Variants in CDK13 observed in about 807,000 individuals in gnomAD.
CDK13 encodes cyclin dependent kinase 13.
In CDK13, 40 loss-of-function variants were observed where a neutral mutation model predicts 137.6. The observed-to-expected ratio is 0.29, with a 90% CI of 0.23 to 0.38. CDK13 has a LOEUF of 0.38. Ranked by LOEUF, CDK13 falls within the 10% of genes least tolerant of loss-of-function variation. The pLI, the probability that CDK13 is intolerant of heterozygous loss-of-function variation, is 1.00. For missense variants in CDK13, 1,704 were observed against 1,951.8 expected, an observed-to-expected ratio of 0.87 and a Z score of 2.39; for synonymous variants, 869 against 760.1, an observed-to-expected ratio of 1.14 and a Z score of -2.36.
intron 1 of CDK13, among the ~76,000 whole-genome samples, chr7:39,973,885 A>C (rs1190075125): frequency 6.6e-6 from 1 of 152,200 alleles, no homozygotes; most frequent in Admixed American, 6.5e-5. Flanking sequence ...TTGAAAATCA[A>C]CTGATCACAA....
chr7:39,978,095 T>C (rs1784146612), intron 1 of CDK13, among the ~76,000 whole-genome samples: 1 of 151,950 alleles, frequency 6.6e-6, no homozygotes, highest in Admixed American at 6.6e-5. Context: ...GTAGAGAGGA[T>C]GATTTGCGGG....
At chr7:40,061,281 T>C (rs1786140879) in intron 7 of CDK13, 1 of 152,192 alleles carries the variant, frequency 6.6e-6, no homozygotes, top group Non-Finnish European at 1.5e-5. Context: ...AAAATATTCA[T>C]CTTATTCTGT....
intron 9 of CDK13, among the ~76,000 whole-genome samples, chr7:40,074,895 GATAA>G (rs554726987): frequency 7.3e-4 from 111 of 151,206 alleles, no homozygotes; most frequent in Non-Finnish European, 1.3e-3. Context: ...ACTGAAAATA[GATAA>G]ATAAATAAAT....
chr7:40,016,647 A>G (rs1052859996), intron 5 of CDK13, among the ~76,000 whole-genome samples: 1 of 152,194 alleles, frequency 6.6e-6, no homozygotes, highest in Non-Finnish European at 1.5e-5. Flanking sequence ...TAACTTTTAA[A>G]CAAGGAGGCA....
chr7:40,033,441 T>TAA (rs1240065113), intron 5 of CDK13, among the ~76,000 whole-genome samples: 2 of 152,212 alleles, frequency 1.3e-5, no homozygotes, highest in East Asian at 3.9e-4. Context: ...AACTGTGTTT[T>TAA]AGCGTGCTTT....
intron 5 of CDK13, 28 bp from the exon 6 acceptor site, chr7:40,045,808 C>A (rs758296346): frequency 6.8e-7 from 1 of 1,460,566 alleles, no homozygotes; most frequent in Admixed American, 1.9e-5. Context: ...GAATAAGTTT[C>A]TAATGTATTA....
intron 2 of CDK13, among the ~76,000 whole-genome samples, chr7:39,996,486 G>A (rs1784562630): frequency 6.6e-6 from 1 of 152,112 alleles, no homozygotes; most frequent in African/African-American, 2.4e-5. Context: ...AAAGCTAATG[G>A]AGTTTAAATT....
intron 5 of CDK13, among the ~76,000 whole-genome samples, chr7:40,043,918 A>G (rs969734598): frequency 4.5e-5 from 6 of 134,716 alleles, no homozygotes; most frequent in African/African-American, 1.6e-4. Flanking sequence ...TTTTTTTGAG[A>G]TGGAATCTTG....
chr7:39,965,063 A>G (rs1219642960), intron 1 of CDK13, among the ~76,000 whole-genome samples: 1 of 152,154 alleles, frequency 6.6e-6, no homozygotes, highest in Non-Finnish European at 1.5e-5. Context: ...CAATTTTGGA[A>G]TAGGTGTGGT....
In CDK13 at chr7:40,097,781, A is replaced by C. The variant is rs1371577571; in HGVS notation, c.*2801A>C. The stretch of plus-strand genomic sequence containing the variant: ...CTTCATTATTTGTTGGAGAGTTGCA[A>C]GTCATTTGTGAAACCTTAAAATGCC... On this transcript the variant is annotated 3_prime_UTR_variant, in exon 14 of 14. Transcript: ENST00000181839. 6.6e-6 allele frequency: 1 copy of C among 152,110 alleles called. No homozygotes were observed. Among genetic ancestry groups the C allele is most frequent in the African/African-American group, 2.4e-5 (1 of 41,450 alleles). 9.4% of individuals were successfully genotyped at this position (152,110 alleles called of 1,614,324 possible).
At chr7:40,029,779 C>T (rs919038276) in intron 5 of CDK13, among the ~76,000 whole-genome samples, 8 of 152,040 alleles carry the variant, frequency 5.3e-5, no homozygotes, top group Admixed American at 1.3e-4. Flanking sequence ...CAGCCTCCCG[C>T]GTAGCTGGGA....
chr7:40,069,221 C>T (rs190674175), intron 9 of CDK13: 7 of 418,032 alleles, frequency 1.7e-5, no homozygotes, highest in Non-Finnish European at 2.9e-5. Flanking sequence ...GGCAGCAGAG[C>T]GAGACCTTGT....
chr7:40,069,168 G>A, intron 9 of CDK13: 5 of 363,478 alleles, frequency 1.4e-5, no homozygotes, highest in South Asian at 6.2e-5. Flanking sequence ...AAGGGAGGTC[G>A]AGGCTACAGT....
At chr7:40,027,362 C>CA in intron 5 of CDK13, among the ~76,000 whole-genome samples, 1 of 152,072 alleles carries the variant, frequency 6.6e-6, no homozygotes, top group South Asian at 2.1e-4. Context: ...CACAAACAAA[C>CA]AAAAAAACTT....
chr7:40,024,883 C>CT (rs1443998437), intron 5 of CDK13, among the ~76,000 whole-genome samples: 5 of 152,150 alleles, frequency 3.3e-5, no homozygotes, highest in Admixed American at 1.3e-4. Context: ...AGGCTGGTCT[C>CT]TAACTCCTGA....
intron 7 of CDK13, among the ~76,000 whole-genome samples, chr7:40,054,529 C>G (rs946823624): frequency 6.6e-6 from 1 of 151,796 alleles, no homozygotes; most frequent in African/African-American, 2.4e-5. Context: ...CTCCTGAGTT[C>G]AAGCGATTCT....
At chr7:39,960,559 C>G (rs1026164694) in intron 1 of CDK13, among the ~76,000 whole-genome samples, 1 of 145,290 alleles carries the variant, frequency 6.9e-6, no homozygotes, top group African/African-American at 2.6e-5. Context: ...ATCTGGCCAT[C>G]AGATGCTTTT....
At chr7:40,006,235 G>C (rs1784793588) in intron 5 of CDK13, among the ~76,000 whole-genome samples, 1 of 152,140 alleles carries the variant, frequency 6.6e-6, no homozygotes, top group South Asian at 2.1e-4. Flanking sequence ...TAGGTACTCA[G>C]TTTCTTCATG....
chr7:40,045,122 C>T (rs1424410685), intron 5 of CDK13, among the ~76,000 whole-genome samples: 2 of 151,840 alleles, frequency 1.3e-5, no homozygotes, highest in Non-Finnish European at 2.9e-5. Flanking sequence ...TTTTTGTCTT[C>T]GTGTTAGTTT....
Sources: allele counts gnomAD v4.1 joint callset (sites outside exome capture counted in the v4.1 genomes callset), GRCh38; gene constraint gnomAD v4.1.1; transcripts MANE v1.5; gene names NCBI Gene and HGNC (gene_info 2026-07-23, HGNC 2026-07-21).